Variants in ARHGAP32 observed in about 807,000 individuals in gnomAD.
ARHGAP32 encodes Rho GTPase activating protein 32, also known as rho GTPase-activating protein 32.
A neutral mutation model predicts 186.5 loss-of-function variants in ARHGAP32; 51 were observed. The ratio of observed to expected loss-of-function variants is 0.27; its 90% CI spans 0.22 to 0.35. The LOEUF (loss-of-function observed/expected upper bound fraction) is 0.35. Among genes scored for constraint, ARHGAP32 ranks in the 10% least tolerant of loss-of-function variants. The pLI, the probability that ARHGAP32 is intolerant of heterozygous loss-of-function variation, is 1.00. For synonymous variants in ARHGAP32, 950 were observed against 964.3 expected, an observed-to-expected ratio of 0.99 and a Z score of 0.27; for missense variants, 2,186 against 2,623.5, an observed-to-expected ratio of 0.83 and a Z score of 3.64.
chr11:128,988,267 C>CA (rs1945937279), intron 12 of ARHGAP32, 142 bp from the exon 13 acceptor site: 2 of 595,848 alleles, frequency 3.4e-6, no homozygotes, highest in African/African-American at 1.9e-5. Flanking sequence ...TAATCCACTA[C>CA]AAAAAATGAT....
intron 1 of ARHGAP32, among the ~76,000 whole-genome samples, chr11:129,227,187 C>T (rs904822446): frequency 3.3e-5 from 5 of 151,912 alleles, no homozygotes; most frequent in African/African-American, 1.2e-4. Flanking sequence ...AGTATTAATT[C>T]AAACTAGAGT....
At chr11:129,265,420 T>C (rs569975396) in intron 1 of ARHGAP32, among the ~76,000 whole-genome samples, 2 of 152,342 alleles carry the variant, frequency 1.3e-5, no homozygotes, top group East Asian at 3.9e-4. Flanking sequence ...TTACTCTAAA[T>C]GTTAAGAATA....
chr11:129,278,606 C>A (rs1041367210), intron 1 of ARHGAP32, among the ~76,000 whole-genome samples: 2 of 152,166 alleles, frequency 1.3e-5, no homozygotes, highest in Admixed American at 1.3e-4. Context: ...GCACCACCGT[C>A]GTCCAACATG....
chr11:129,137,915 G>C (rs1333727379), intron 2 of ARHGAP32, among the ~76,000 whole-genome samples: 3 of 152,034 alleles, frequency 2.0e-5, no homozygotes. Context: ...AGAATGTTCA[G>C]TGTCAATTAC....
intron 1 of ARHGAP32, among the ~76,000 whole-genome samples, chr11:129,263,614 CGGGGAGAGGGGGAGGGGAGAGGGAG>C: frequency 2.4e-5 from 1 of 41,182 alleles, no homozygotes; most frequent in East Asian, 6.5e-4. Flanking sequence ...AAATGGGGAG[CGGGGAGAGGGGGAGGGGAGAGGGAG>C]GGGGAGGAGA....
chr11:129,275,787 T>C (rs1945522728), intron 1 of ARHGAP32, among the ~76,000 whole-genome samples: 1 of 152,270 alleles, frequency 6.6e-6, no homozygotes, highest in Admixed American at 6.5e-5. Context: ...TGAAATTTTA[T>C]CCTTCTTTGG....
intron 2 of ARHGAP32, among the ~76,000 whole-genome samples, chr11:129,128,928 C>G (rs1006855703): frequency 1.3e-5 from 2 of 152,192 alleles, no homozygotes; most frequent in Non-Finnish European, 2.9e-5. Flanking sequence ...GATCTCGGCT[C>G]GCTACAACCT....
chr11:128,981,959 T>A, intron 15 of ARHGAP32, 23 bp from the exon 16 acceptor site: 1 of 1,434,744 alleles, frequency 7.0e-7, no homozygotes, highest in Non-Finnish European at 9.7e-7. Flanking sequence ...TACAACATAT[T>A]AACAGAAAGA....
At chr11:128,989,247 A>AT (rs1309847405) in intron 12 of ARHGAP32, among the ~76,000 whole-genome samples, 1 of 152,066 alleles carries the variant, frequency 6.6e-6, no homozygotes, top group African/African-American at 2.4e-5. Context: ...CTCATCTTTG[A>AT]TTAAAAAAAT....
chr11:129,248,212 CAA>C lies in ARHGAP32; in HGVS notation c.-5+30932_-5+30933del, dbSNP rs61454534. Among the ~76,000 whole-genome samples, 605 of 121,952 alleles carry C rather than the reference CAA, an allele frequency of 5.0e-3. 2 individuals carry two copies. Among genetic ancestry groups the C allele is most frequent in the African/African-American group, 0.016 (532 of 33,742 alleles). 80.0% of individuals were successfully genotyped at this position (121,952 alleles called of 152,430 possible). A position where few individuals can be genotyped will look rare whatever the true frequency, so the allele number is the denominator to read the frequency against. ...TGTAGTCCCAGCTACTTGGCTGTCT[CAA>C]AAAAAAAAAAAAAAAAGGAAAGTGA... is the stretch of plus-strand genomic sequence containing the variant. On this transcript the variant is annotated intron_variant, in intron 1 of 6. Transcript: ENST00000525234.
chr11:129,091,224 A>G (rs1393495534), intron 6 of ARHGAP32, among the ~76,000 whole-genome samples: 1 of 152,056 alleles, frequency 6.6e-6, no homozygotes, highest in Non-Finnish European at 1.5e-5. Context: ...TATCTGTTCT[A>G]TTGCTTTGGG....
At chr11:129,259,814 A>T (rs1945298932) in intron 1 of ARHGAP32, among the ~76,000 whole-genome samples, 1 of 152,210 alleles carries the variant, frequency 6.6e-6, no homozygotes, top group Admixed American at 6.5e-5. Context: ...AGATTTTGCT[A>T]TGCAGACATG....
intron 9 of ARHGAP32, 109 bp downstream of exon 9, chr11:129,063,793 C>A: frequency 1.6e-6 from 2 of 1,246,170 alleles, no homozygotes; most frequent in Non-Finnish European, 2.2e-6. Flanking sequence ...ATGGAAAAAC[C>A]TGGTGCTTTT....
upstream of ARHGAP32, among the ~76,000 whole-genome samples, chr11:129,193,318 GGGGGGGGGGCGGGA>G (rs1005424059): frequency 7.3e-4 from 15 of 20,566 alleles, 5 homozygotes; most frequent in Non-Finnish European, 1.4e-3. Context: ...TGGGGGGGGG[GGGGGGGGGGCGGGA>G]AACAGCCAAG....
chr11:129,104,188 C>A (rs1402225673), intron 5 of ARHGAP32, among the ~76,000 whole-genome samples: 1 of 151,790 alleles, frequency 6.6e-6, no homozygotes, highest in Non-Finnish European at 1.5e-5. Context: ...AAAATATGTA[C>A]CTCAGAAGAA....
intron 1 of ARHGAP32, among the ~76,000 whole-genome samples, chr11:129,200,430 TAGTA>T (rs1342762254): frequency 7.2e-5 from 11 of 152,198 alleles, no homozygotes; most frequent in African/African-American, 9.7e-5. Context: ...TTTCTCATGG[TAGTA>T]AGTAAGTCTC....
intron 6 of ARHGAP32, among the ~76,000 whole-genome samples, chr11:129,080,529 G>A (rs1209946426): frequency 6.6e-6 from 1 of 152,100 alleles, no homozygotes; most frequent in Non-Finnish European, 1.5e-5. Flanking sequence ...AATTAAGATG[G>A]AAATTTAAAA....
rs115446631 is a variant in ARHGAP32, at chr11:129,003,865, G to T, written c.1046-5397C>A. Among the ~76,000 whole-genome samples the T allele has an allele frequency of 5.6e-3, 853 of 151,696 alleles. 11 individuals are homozygous for T. The highest frequency in any genetic ancestry group is 0.019 in the African/African-American group (801 of 41,392). On this transcript the variant is annotated intron_variant, in intron 11 of 22. Coordinates refer to ENST00000682385, the MANE Select transcript of ARHGAP32 (RefSeq NM_001378024.1). ...GTTGATCTTTGTTGTTTTATTTTCAGTTTAACTTGTATCTGCCCTGATCTT... is the reference window on the plus strand; with the variant it reads ...GTTGATCTTTGTTGTTTTATTTTCATTTTAACTTGTATCTGCCCTGATCTT...
chr11:129,222,900 A>C (rs1484509234), intron 1 of ARHGAP32, among the ~76,000 whole-genome samples: 6 of 152,196 alleles, frequency 3.9e-5, no homozygotes, highest in African/African-American at 1.4e-4. Context: ...AGGATATTGC[A>C]GTATCCCCTT....
Sources: allele counts gnomAD v4.1 joint callset (sites outside exome capture counted in the v4.1 genomes callset), GRCh38; gene constraint gnomAD v4.1.1; transcripts MANE v1.5; gene names NCBI Gene and HGNC (gene_info 2026-07-23, HGNC 2026-07-21).